Variants in HMCN1 observed in about 807,000 individuals in gnomAD.
HMCN1 encodes the protein hemicentin-1.
In HMCN1, 321 loss-of-function variants were observed where a neutral mutation model predicts 625.9. The ratio of observed to expected loss-of-function variants is 0.51; its 90% CI spans 0.47 to 0.56. The LOEUF is 0.56. Among genes scored for constraint, HMCN1 ranks in the 20% least tolerant of loss-of-function variants. HMCN1 has a pLI of 0.00. For synonymous variants in HMCN1, 2,425 were observed against 2,417.6 expected (o/e 1.00, Z -0.09); for missense variants, 6,588 against 6,887.3 (o/e 0.96, Z 1.54).
intron 11 of HMCN1, among the ~76,000 whole-genome samples, chr1:185,956,389 C>T (rs574688047): frequency 6.6e-6 from 1 of 152,278 alleles, no homozygotes; most frequent in East Asian, 1.9e-4. Context: ...ATCAGGGTTC[C>T]TACAACCCCC....
At chr1:185,815,094 G>A (rs1007540446) in intron 1 of HMCN1, among the ~76,000 whole-genome samples, 6 of 150,306 alleles carry the variant, frequency 4.0e-5, no homozygotes, top group Non-Finnish European at 8.8e-5. Context: ...AGAAAGACAT[G>A]TTTGAAGTCA....
intron 44 of HMCN1, among the ~76,000 whole-genome samples, chr1:186,054,215 A>G (rs1657154368): frequency 6.6e-6 from 1 of 152,018 alleles, no homozygotes; most frequent in Non-Finnish European, 1.5e-5. Context: ...AATGACAGAC[A>G]CATCAATGTG....
chr1:185,815,309 T>C (rs1571393493), intron 1 of HMCN1, among the ~76,000 whole-genome samples: 1 of 150,242 alleles, frequency 6.7e-6, no homozygotes, highest in African/African-American at 2.5e-5. Flanking sequence ...AAATTTGTCA[T>C]CCTAAAGTTT....
At position 186,082,397 on chromosome 1, in the gene HMCN1, T is replaced by C. The variant is rs550277798; in HGVS notation, c.8788-468T>C. On this transcript the variant is annotated intron_variant, in intron 56 of 106. Coordinates refer to ENST00000271588, the MANE Select transcript of HMCN1 (RefSeq NM_031935.3). ...TGTGATGATTCCTCCCCAAGTGATC[T>C]CTACCCTCCAGCAGGCTAATCCTGG... Among the ~76,000 whole-genome samples the C allele has an allele frequency of 1.5e-3, 232 of 152,298 alleles. 1 individual carries two copies. The highest frequency in any genetic ancestry group is 2.2e-3 in the Non-Finnish European group (147 of 68,020).
intron 11 of HMCN1, among the ~76,000 whole-genome samples, chr1:185,958,969 A>G (rs1649825680): frequency 6.6e-6 from 1 of 152,314 alleles, no homozygotes; most frequent in Middle Eastern, 3.4e-3. Flanking sequence ...TCCTAATTTT[A>G]CATAATATAC....
rs116405452 is a variant in HMCN1 at position 185,857,736 on chromosome 1, G to A, written c.340-6734G>A. 7.7e-3 allele frequency among the ~76,000 whole-genome samples: 1,166 copies of A among 152,226 alleles called. 13 individuals carry two copies. Among genetic ancestry groups the A allele is most frequent in the African/African-American group, 0.027 (1,116 of 41,542 alleles). Reference sequence around the variant, plus strand: ...GTTAAGTGTACCTCGAATATGTCAAGATTGCTTTGCAAAATCTTTCACCCA... The same window carrying A: ...GTTAAGTGTACCTCGAATATGTCAAAATTGCTTTGCAAAATCTTTCACCCA... On this transcript the variant is annotated intron_variant, in intron 2 of 106. Coordinates refer to ENST00000271588, the MANE Select transcript of HMCN1 (RefSeq NM_031935.3).
At chr1:185,926,219 A>T (rs921018898) in intron 9 of HMCN1, among the ~76,000 whole-genome samples, 1 of 152,216 alleles carries the variant, frequency 6.6e-6, no homozygotes, top group East Asian at 1.9e-4. Flanking sequence ...CAATATCAAC[A>T]TAACTTCCAT....
At chr1:185,858,689 G>A (rs1662657441) in intron 2 of HMCN1, among the ~76,000 whole-genome samples, 1 of 131,502 alleles carries the variant, frequency 7.6e-6, no homozygotes. Flanking sequence ...GGGCATAAGA[G>A]ATCTGCCCTC....
intron 1 of HMCN1, among the ~76,000 whole-genome samples, chr1:185,771,681 A>G (rs989948785): frequency 1.3e-5 from 2 of 152,184 alleles, no homozygotes; most frequent in African/African-American, 4.8e-5. Context: ...GTACCAAATT[A>G]TTAAAATTTG....
At chr1:185,757,894 A>C (rs912916553) in intron 1 of HMCN1, among the ~76,000 whole-genome samples, 10 of 152,080 alleles carry the variant, frequency 6.6e-5, no homozygotes, top group African/African-American at 2.4e-4. Context: ...TGTTCCTTGA[A>C]TTTTGGTTAT....
At chr1:185,859,754 C>T (rs1662746219) in intron 2 of HMCN1, among the ~76,000 whole-genome samples, 1 of 152,052 alleles carries the variant, frequency 6.6e-6, no homozygotes, top group Non-Finnish European at 1.5e-5. Flanking sequence ...CAACCTCCGC[C>T]TCCTGGGTTC....
At chr1:185,779,186 T>C (rs991190153) in intron 1 of HMCN1, among the ~76,000 whole-genome samples, 2 of 152,212 alleles carry the variant, frequency 1.3e-5, no homozygotes, top group African/African-American at 4.8e-5. Flanking sequence ...CACTTTTTGG[T>C]GGGGTTGTTT....
chr1:186,162,826 G>C (rs1177160091), intron 97 of HMCN1, among the ~76,000 whole-genome samples: 2 of 152,186 alleles, frequency 1.3e-5, no homozygotes, highest in Non-Finnish European at 2.9e-5. Context: ...TGCCCCTACT[G>C]GGGGGTGCCT....
At chr1:185,815,925 A>G (rs531077131) in intron 1 of HMCN1, among the ~76,000 whole-genome samples, 91 of 150,104 alleles carry the variant, frequency 6.1e-4, no homozygotes, top group Admixed American at 1.2e-3. Flanking sequence ...CTCTTTAGCA[A>G]TATTGTACCC....
intron 1 of HMCN1, among the ~76,000 whole-genome samples, chr1:185,812,317 C>T (rs116165006): frequency 0.018 from 2,712 of 151,692 alleles, 89 homozygotes; most frequent in African/African-American, 0.06. Context: ...TTCAAATCAA[C>T]GGAAAATACA....
rs74134378 is a variant in HMCN1, at chr1:185,903,289, A to T, written c.622-6048A>T. Among the ~76,000 whole-genome samples, 1,184 of 151,872 alleles carry T rather than the reference A, an allele frequency of 7.8e-3. 15 individuals carry two copies. The highest frequency in any genetic ancestry group is 0.026 in the African/African-American group (1,067 of 41,492). On this transcript the variant is annotated intron_variant, in intron 4 of 106. Transcript: ENST00000271588. ...GAAGGTGTGGAAGTTTTACATGAGT[A>T]TTGGGTGCTCATTGAGTTGAAATTG...
In HMCN1 at chr1:185,863,053, G is replaced by A. The variant is rs968394176; in HGVS notation, c.340-1417G>A. Among the ~76,000 whole-genome samples, 9 of 152,102 alleles carry A rather than the reference G, an allele frequency of 5.9e-5. No homozygotes were observed. The South Asian group carries it at 6.2e-4, about 11-fold the overall frequency. Reference sequence around the variant, plus strand: ...CCCTGATTAGATCTATGGTGTTCACGGTATCTGTATCAGAATATGAGACTG... The same window carrying A: ...CCCTGATTAGATCTATGGTGTTCACAGTATCTGTATCAGAATATGAGACTG... On this transcript the variant is annotated intron_variant, in intron 2 of 106. Transcript: ENST00000271588.
Position 186,001,697 on chromosome 1 carries a change from A to G in HMCN1, c.4304A>G (p.Asn1435Ser), listed in dbSNP as rs1325039073. The change falls in exon 28 of 107, where the codon AAT (asparagine) becomes AGT (serine). Residue 1435 changes from asparagine to serine, a missense_variant. Asn to Ser is a conservative substitution (Grantham distance 46, BLOSUM62 1). Coordinates refer to ENST00000271588, the MANE Select transcript of HMCN1 (RefSeq NM_031935.3). ...GGAAGATATTCCTGCAAAGCAATTA[A>G]TATTGCAGGCACTTCTCAGAAGTAC... ...DAGRYSCKAI[N>S]IAGTSQKYFN... 6.2e-7 allele frequency: 1 copy of G among 1,612,022 alleles called. No individual in the cohort carries two copies. Among genetic ancestry groups the G allele is most frequent in the Non-Finnish European group, 8.5e-7 (1 of 1,178,442 alleles).
At chr1:185,742,040 G>T (rs552715322) in intron 1 of HMCN1, among the ~76,000 whole-genome samples, 1 of 151,902 alleles carries the variant, frequency 6.6e-6, no homozygotes, top group South Asian at 2.1e-4. Context: ...AGCTTAGTTT[G>T]ATAAACGATT....
Sources: allele counts gnomAD v4.1 joint callset (sites outside exome capture counted in the v4.1 genomes callset), GRCh38; gene constraint gnomAD v4.1.1; transcripts MANE v1.5; gene names NCBI Gene and HGNC (gene_info 2026-07-23, HGNC 2026-07-21).